The following CDC42BPB variants were observed in gnomAD, a reference collection of about 807,000 sequenced individuals.
The protein encoded by CDC42BPB is serine/threonine-protein kinase MRCK beta.
Under a neutral mutation model 214.9 loss-of-function variants are expected in CDC42BPB, and 37 were observed. That is an observed-to-expected ratio of 0.17 (90% CI 0.13 to 0.23). The LOEUF (loss-of-function observed/expected upper bound fraction) is 0.23. CDC42BPB is among the 10% of genes least tolerant of loss of function. CDC42BPB has a pLI of 1.00. For missense variants in CDC42BPB, 1,694 were observed against 2,227.0 expected, an observed-to-expected ratio of 0.76 and a Z score of 4.82; for synonymous variants, 931 against 884.0, an observed-to-expected ratio of 1.05 and a Z score of -0.94.
chr14:103,017,300 C>A (rs1257577555), intron 1 of CDC42BPB, among the ~76,000 whole-genome samples: 1 of 152,094 alleles, frequency 6.6e-6, no homozygotes, highest in Non-Finnish European at 1.5e-5. Flanking sequence ...CCAGGCTGGA[C>A]AACAGTGAGA....
chr14:102,964,869 C>T (rs951571706), intron 18 of CDC42BPB: 1 of 591,154 alleles, frequency 1.7e-6, no homozygotes, highest in Non-Finnish European at 2.1e-6. Flanking sequence ...AAATAATTTA[C>T]TTTATCTTTT....
chr14:102,956,416 A>G, intron 21 of CDC42BPB: 1 of 982,394 alleles, frequency 1.0e-6, no homozygotes, highest in Non-Finnish European at 1.2e-6. Context: ...TCATGCAGGC[A>G]GCGTGGGATA....
intron 5 of CDC42BPB, among the ~76,000 whole-genome samples, chr14:102,990,393 C>A (rs1341218040): frequency 6.6e-6 from 1 of 152,168 alleles, no homozygotes; most frequent in Non-Finnish European, 1.5e-5. Flanking sequence ...CTGTGGTGTC[C>A]TGGGCAGAGC....
chr14:102,956,335 G>T, intron 21 of CDC42BPB: 1 of 427,618 alleles, frequency 2.3e-6, no homozygotes, highest in Non-Finnish European at 3.1e-6. Context: ...TTCCCACCCA[G>T]TCAACACTGG....
intron 1 of CDC42BPB, among the ~76,000 whole-genome samples, chr14:103,054,257 A>G (rs991056131): frequency 2.0e-5 from 3 of 152,224 alleles, no homozygotes; most frequent in African/African-American, 7.2e-5. Flanking sequence ...GGGCTGAATC[A>G]GCTACTTTTC....
At chr14:102,954,402 A>G in intron 22 of CDC42BPB, 127 bp from the exon 23 acceptor site, 4 of 1,443,580 alleles carry the variant, frequency 2.8e-6, no homozygotes, top group South Asian at 3.0e-5. Flanking sequence ...AATTTGCTAC[A>G]ATGTTGAGAC....
intron 24 of CDC42BPB, 124 bp from the exon 25 acceptor site, chr14:102,950,726 G>A: frequency 1.5e-6 from 2 of 1,372,658 alleles, no homozygotes; most frequent in Non-Finnish European, 1.9e-6. Context: ...AGCACTTTCG[G>A]AGGCCGAGGT....
chr14:103,040,451 T>C (rs1595181831), intron 1 of CDC42BPB, among the ~76,000 whole-genome samples: 1 of 152,276 alleles, frequency 6.6e-6, no homozygotes, highest in South Asian at 2.1e-4. Context: ...TTTTTTTCAA[T>C]TAAATTTAAA....
In CDC42BPB at chr14:102,940,336, G is replaced by A. The variant is rs1446707905; in HGVS notation, c.4409-12C>T. On this transcript the variant is annotated splice_polypyrimidine_tract_variant and intron_variant, in intron 30 of 36. Transcript: ENST00000361246. ...GGTGGGGCTGCAACCTAGCGCAGAC[G>A]GAGCAGGGCGGGGTGAGCCACAGTG... 3.2e-6 allele frequency: 5 copies of A among 1,557,678 alleles called. No homozygotes were observed. Among genetic ancestry groups the A allele is most frequent in the Admixed American group, 1.9e-5 (1 of 51,578 alleles).
intron 1 of CDC42BPB, among the ~76,000 whole-genome samples, chr14:103,038,598 C>T (rs1447022631): frequency 6.6e-6 from 1 of 151,862 alleles, no homozygotes. Context: ...ATGAGCTCGG[C>T]TTACTGCAAA....
Position 103,004,165 on chromosome 14 carries a change from G to C in CDC42BPB, c.352-142C>G, listed in dbSNP as rs921955049. ...CGGGCTCCTCCTCGTGCACCACCCC[G>C]AGGCTGCTGAGGCTGAGCCATCCCT... On this transcript the variant is annotated intron_variant, in intron 3 of 36. Coordinates refer to ENST00000361246, the MANE Select transcript of CDC42BPB (RefSeq NM_006035.4). This position sits in a 1 kb window ranked among gnomAD's most constrained non-coding sequence, Gnocchi z 5.3. 2.4e-5 allele frequency: 34 copies of C among 1,391,678 alleles called. No individual in the cohort carries two copies. The highest frequency in any genetic ancestry group is 2.8e-5 in the Non-Finnish European group (30 of 1,069,646). The allele number at this position is 1,391,678 out of a possible 1,614,324, so 86.2% of individuals were successfully genotyped here.
chr14:103,051,149 T>TGGGGCGGGGGGGGGGGCGG (rs935745400), intron 1 of CDC42BPB, among the ~76,000 whole-genome samples: 1 of 4,166 alleles, frequency 2.4e-4, no homozygotes, highest in African/African-American at 7.5e-4. Context: ...CTAGTGTATT[T>TGGGGCGGGGGGGGGGGCGG]GGGGCGGGGG....
At chr14:103,024,997 C>A (rs893061607) in intron 1 of CDC42BPB, among the ~76,000 whole-genome samples, 2 of 152,106 alleles carry the variant, frequency 1.3e-5, no homozygotes, top group African/African-American at 4.8e-5. Flanking sequence ...TCTTGTTGCT[C>A]TTAACTTAAT....
chr14:102,947,827 C>A (rs576191134), intron 26 of CDC42BPB, 25 bp from the exon 27 acceptor site: 1 of 1,611,664 alleles, frequency 6.2e-7, no homozygotes, highest in Non-Finnish European at 8.5e-7. Flanking sequence ...ACATTGACCC[C>A]GCTGGGAGAC....
At chr14:102,966,139 C>T (rs142996632) in intron 18 of CDC42BPB, 143 bp downstream of exon 18, 251 of 571,338 alleles carry the variant, frequency 4.4e-4, no homozygotes, top group African/African-American at 4.3e-3. Context: ...CAAATGTTGG[C>T]GTTCCTTAAA....
rs147625347 is a variant in CDC42BPB, at chr14:103,004,078, C to G, written c.352-55G>C. The G allele has an allele frequency of 1.3e-6, 2 of 1,519,094 alleles. No homozygotes were observed. Among genetic ancestry groups the G allele is most frequent in the African/African-American group, 2.7e-5 (2 of 73,096 alleles). The allele number at this position is 1,519,094 out of a possible 1,614,324, so 94.1% of individuals were successfully genotyped here. On this transcript the variant is annotated intron_variant, in intron 3 of 36. Transcript: ENST00000361246. The surrounding 1 kb of genome is among the most constrained non-coding windows in gnomAD (Gnocchi z 5.3). ...GTTCACTGGGAAGCAGGCCAGAGAG[C>G]GTACTGCCGGTCTCGGGGTCCCTCC... is the stretch of plus-strand genomic sequence containing the variant.
At position 102,943,775 on chromosome 14, in the gene CDC42BPB, GCT is replaced by G; in HGVS notation, c.4408+114_4408+115del. On this transcript the variant is annotated intron_variant, in intron 30 of 36. Coordinates refer to ENST00000361246, the MANE Select transcript of CDC42BPB (RefSeq NM_006035.4). This position sits in a 1 kb window ranked among gnomAD's most constrained non-coding sequence, Gnocchi z 4.6. ...TGGCATGGGGCCCACCTCTCCCGAT[GCT>G]CTGTGACTACTCAACTAAGGGACTG... The G allele has an allele frequency of 1.1e-6, 1 of 898,036 alleles. No individual in the cohort carries two copies. Among genetic ancestry groups the G allele is most frequent in the Non-Finnish European group, 1.7e-6 (1 of 593,626 alleles). The allele number at this position is 898,036 out of a possible 1,614,324, so 55.6% of individuals were successfully genotyped here. A position where few individuals can be genotyped will look rare whatever the true frequency, so the allele number is the denominator to read the frequency against.
At chr14:103,048,530 T>TAAAA (rs1262301665) in intron 1 of CDC42BPB, among the ~76,000 whole-genome samples, 2 of 5,716 alleles carry the variant, frequency 3.5e-4, no homozygotes, top group Non-Finnish European at 8.4e-4. Flanking sequence ...CTACTAAAAA[T>TAAAA]ACAAAAAAAA....
chr14:102,999,705 G>T lies in CDC42BPB; in HGVS notation c.456C>A (p.Val152=). The T allele has an allele frequency of 1.2e-6, 2 of 1,614,030 alleles. No homozygotes were observed. Among genetic ancestry groups the T allele is most frequent in the Non-Finnish European group, 1.7e-6 (2 of 1,179,996 alleles). The part of the protein sequence containing the change: ...AFQDENHLYL[V]MDYYVGGDLL... ...AATCACCACCCACATAGTAATCCAT[G>T]ACTAAGTACTACAAATTGGAAAGAG... is the stretch of plus-strand genomic sequence containing the variant. Residue 152 remains valine, a synonymous_variant, in exon 5 of 37, where the codon GTC becomes GTA. Transcript: ENST00000361246.
Sources: allele counts gnomAD v4.1 joint callset (sites outside exome capture counted in the v4.1 genomes callset), GRCh38; gene constraint gnomAD v4.1.1; non-coding constraint Gnocchi (gnomAD v3.1); transcripts MANE v1.5; gene names NCBI Gene and HGNC (gene_info 2026-07-23, HGNC 2026-07-21).